Variants in CLPB observed in about 807,000 individuals in gnomAD.
CLPB encodes the protein mitochondrial disaggregase.
CLPB carries 40 observed loss-of-function variants against 78.4 expected under a neutral mutation model. The ratio of observed to expected loss-of-function variants is 0.51; its 90% CI spans 0.40 to 0.66. CLPB has a LOEUF of 0.66. Ranked by LOEUF, CLPB falls within the 30% of genes least tolerant of loss-of-function variation. CLPB has a pLI of 0.00. For synonymous variants in CLPB, 333 were observed against 348.0 expected (o/e 0.96, Z 0.48); for missense variants, 780 against 886.9 (o/e 0.88, Z 1.53).
At chr11:72,346,507 A>G (rs1950516481) in intron 5 of CLPB, among the ~76,000 whole-genome samples, 1 of 151,930 alleles carries the variant, frequency 6.6e-6, no homozygotes, top group East Asian at 1.9e-4. Context: ...GAAATAGCTG[A>G]TTTCAGGGCA....
intron 5 of CLPB, chr11:72,354,549 C>G (rs1025702955): frequency 2.6e-6 from 1 of 378,480 alleles, no homozygotes; most frequent in East Asian, 3.7e-5. Context: ...GAGGCTCCAG[C>G]CACCTTCCCT....
Position 72,291,892 on chromosome 11 carries a change from AGGTAGCCGGGCGT to A in CLPB, c.*1462_*1474del, listed in dbSNP as rs1949456591. 1 of 151,460 alleles carries A rather than the reference AGGTAGCCGGGCGT, an allele frequency of 6.6e-6. No individual in the cohort carries two copies. The highest frequency in any genetic ancestry group is 2.4e-5 in the African/African-American group (1 of 41,206). 9.4% of individuals were successfully genotyped at this position (151,460 alleles called of 1,614,324 possible). A position where few individuals can be genotyped will look rare whatever the true frequency, so the allele number is the denominator to read the frequency against. On this transcript the variant is annotated 3_prime_UTR_variant, in exon 16 of 16. Coordinates refer to ENST00000538039, the MANE Select transcript of CLPB (RefSeq NM_001258392.3). ...CCCTGTCTCTACTAAAAATACAAAA[AGGTAGCCGGGCGT>A]GGTGGTGGGCACCTGTAGTCCCAGC... is the stretch of plus-strand genomic sequence containing the variant.
intron 6 of CLPB, among the ~76,000 whole-genome samples, chr11:72,325,289 T>C (rs915927395): frequency 2.6e-5 from 4 of 152,190 alleles, no homozygotes; most frequent in Non-Finnish European, 5.9e-5. Context: ...TACCTCCTCT[T>C]TGAAGCCTGC....
chr11:72,391,233 G>A (rs1004485607), intron 3 of CLPB, among the ~76,000 whole-genome samples: 3 of 152,116 alleles, frequency 2.0e-5, no homozygotes, highest in Non-Finnish European at 4.4e-5. Context: ...CATCAAAGAT[G>A]CCACCTGCTG....
Position 72,293,228 on chromosome 11 carries a change from C to T in CLPB, c.*139G>A. On this transcript the variant is annotated 3_prime_UTR_variant, in exon 16 of 16. Transcript: ENST00000538039. The stretch of plus-strand genomic sequence containing the variant: ...GGTTTTGGGGCTGAGAAGGGGTCTT[C>T]ATGGGCTGTGAGGAGGTAAGCAGGC... 9.2e-7 allele frequency: 1 copy of T among 1,092,856 alleles called. No individual in the cohort carries two copies. The allele number at this position is 1,092,856 out of a possible 1,614,324, so 67.7% of individuals were successfully genotyped here. A position where few individuals can be genotyped will look rare whatever the true frequency, so the allele number is the denominator to read the frequency against.
chr11:72,409,282 C>T (rs1233893649), intron 2 of CLPB, among the ~76,000 whole-genome samples: 3 of 152,206 alleles, frequency 2.0e-5, no homozygotes, highest in African/African-American at 7.2e-5. Context: ...GAGTAGACCG[C>T]ATTAGAAGTC....
At chr11:72,318,290 G>T (rs545210291) in intron 6 of CLPB, among the ~76,000 whole-genome samples, 1 of 152,280 alleles carries the variant, frequency 6.6e-6, no homozygotes, top group South Asian at 2.1e-4. Context: ...AGACACATAA[G>T]TGTGGAACAT....
chr11:72,413,889 C>G (rs1193161162), intron 2 of CLPB, among the ~76,000 whole-genome samples: 1 of 152,192 alleles, frequency 6.6e-6, no homozygotes, highest in Non-Finnish European at 1.5e-5. Flanking sequence ...GAGCAGGGCA[C>G]TCAGGGTACT....
intron 2 of CLPB, among the ~76,000 whole-genome samples, chr11:72,404,040 C>T (rs992733110): frequency 6.6e-6 from 1 of 152,150 alleles, no homozygotes; most frequent in Non-Finnish European, 1.5e-5. Flanking sequence ...CTTAAGGTCA[C>T]GCAGCTAGTT....
intron 5 of CLPB, 133 bp from the exon 6 acceptor site, chr11:72,329,937 A>G (rs1950194637): frequency 1.6e-6 from 1 of 637,204 alleles, no homozygotes; most frequent in African/African-American, 1.8e-5. Context: ...GTGGAAAAAC[A>G]TGGTACTGGG....
chr11:72,420,751 G>A (rs1337110173), intron 2 of CLPB, among the ~76,000 whole-genome samples: 2 of 152,190 alleles, frequency 1.3e-5, no homozygotes, highest in Non-Finnish European at 2.9e-5. Flanking sequence ...ATAAGAGAGG[G>A]AGAGGTCCTT....
intron 5 of CLPB, among the ~76,000 whole-genome samples, chr11:72,332,513 G>C (rs1244312197): frequency 2.0e-5 from 3 of 151,760 alleles, no homozygotes; most frequent in Admixed American, 1.3e-4. Flanking sequence ...AAGGAAAAAG[G>C]AAAGAAAAAA....
intron 7 of CLPB, among the ~76,000 whole-genome samples, chr11:72,315,156 G>A (rs959873570): frequency 6.6e-6 from 1 of 151,996 alleles, no homozygotes; most frequent in Non-Finnish European, 1.5e-5. Context: ...GGGAGGGAGG[G>A]GCCAAGGAAG....
At chr11:72,345,945 G>A (rs1950504725) in intron 5 of CLPB, among the ~76,000 whole-genome samples, 1 of 152,142 alleles carries the variant, frequency 6.6e-6, no homozygotes, top group African/African-American at 2.4e-5. Flanking sequence ...TTTTTAAGAT[G>A]TATTATAGGA....
chr11:72,337,629 A>G (rs1950345640), intron 5 of CLPB, among the ~76,000 whole-genome samples: 1 of 152,234 alleles, frequency 6.6e-6, no homozygotes, highest in African/African-American at 2.4e-5. Context: ...GGGATTTATT[A>G]TACTATTCTC....
chr11:72,351,013 A>G lies in CLPB; in HGVS notation c.775+7867T>C, dbSNP rs1374737790. ...CAATCTCTCCCCATCCCTCCCCCAG[A>G]TAACTGCTAACATGGAGGGACTTTA... On this transcript the variant is annotated intron_variant, in intron 5 of 15. Transcript: ENST00000538039. Among the ~76,000 whole-genome samples the G allele has an allele frequency of 3.9e-5, 6 of 152,252 alleles. No homozygotes were observed. The East Asian group carries it at 7.7e-4, about 19-fold the overall frequency.
chr11:72,427,730 T>A (rs2135159024), intron 2 of CLPB, among the ~76,000 whole-genome samples: 1 of 152,244 alleles, frequency 6.6e-6, no homozygotes, highest in East Asian at 1.9e-4. Flanking sequence ...ACCATTTAGG[T>A]TTGGGTAAGT....
chr11:72,377,669 G>A (rs1290721757), intron 4 of CLPB, among the ~76,000 whole-genome samples: 1 of 150,618 alleles, frequency 6.6e-6, no homozygotes, highest in Non-Finnish European at 1.5e-5. Context: ...GGAAGGGGAA[G>A]GGAAGGGGAA....
At chr11:72,416,752 A>G (rs905822092) in intron 2 of CLPB, among the ~76,000 whole-genome samples, 49 of 151,862 alleles carry the variant, frequency 3.2e-4, no homozygotes, top group African/African-American at 8.4e-4. Context: ...AAAAAAAAAA[A>G]AAAGAAAAAA....
Sources: gnomAD v4.1 joint callset for allele counts (sites outside exome capture counted in the v4.1 genomes callset) on GRCh38, gnomAD v4.1.1 for gene constraint, MANE v1.5 for transcripts, NCBI Gene and HGNC (gene_info 2026-07-23, HGNC 2026-07-21) for gene names.